The following TNFRSF19 variants were observed in gnomAD, a reference collection of about 807,000 sequenced individuals.
TNFRSF19 encodes the protein tumor necrosis factor receptor superfamily member 19.
Under a neutral mutation model 46.4 loss-of-function variants are expected in TNFRSF19, and 27 were observed. The ratio of observed to expected loss-of-function variants is 0.58; its 90% CI spans 0.43 to 0.80. The LOEUF is 0.80. Among genes scored for constraint, TNFRSF19 ranks in the 30% least tolerant of loss-of-function variants. The pLI, the probability that TNFRSF19 is intolerant of heterozygous loss-of-function variation, is 0.00. For synonymous variants in TNFRSF19, 204 were observed against 205.0 expected, an observed-to-expected ratio of 1.00 and a Z score of 0.04; for missense variants, 511 against 530.8, an observed-to-expected ratio of 0.96 and a Z score of 0.37.
chr13:23,594,194 G>T (rs1245414399), intron 3 of TNFRSF19: 1 of 450,430 alleles, frequency 2.2e-6, no homozygotes. Flanking sequence ...CAGACACTGA[G>T]CTAGCTGCAG....
intron 5 of TNFRSF19, among the ~76,000 whole-genome samples, chr13:23,646,007 C>T (rs1819460807): frequency 6.6e-6 from 1 of 152,182 alleles, no homozygotes; most frequent in Non-Finnish European, 1.5e-5. Flanking sequence ...TTTCCTTGCA[C>T]CTGACTCACA....
rs560086536 is a variant in TNFRSF19 at position 23,589,285 on chromosome 13, G to A, written c.-34-865G>A. Among the ~76,000 whole-genome samples, 9 of 152,272 alleles carry A rather than the reference G, an allele frequency of 5.9e-5. No individual in the cohort carries two copies. In the East Asian group the frequency reaches 1.3e-3, roughly 23 times the overall value. On this transcript the variant is annotated intron_variant, in intron 1 of 9. Transcript: ENST00000248484. ...GGTTCTACATTTTAGATCATTCCTG[G>A]TAAAGATAAAGAGGCTTGGTTTATC...
At chr13:23,616,492 AT>A (rs796306908) in intron 4 of TNFRSF19, among the ~76,000 whole-genome samples, 10 of 152,344 alleles carry the variant, frequency 6.6e-5, no homozygotes, top group African/African-American at 2.4e-4. Flanking sequence ...ATTGCTTTAC[AT>A]ACTTGGGCTA....
chr13:23,595,440 A>G (rs1466909386), intron 3 of TNFRSF19, among the ~76,000 whole-genome samples: 1 of 152,224 alleles, frequency 6.6e-6, no homozygotes, highest in African/African-American at 2.4e-5. Flanking sequence ...TGAAAAACAC[A>G]GCACAAGAAC....
chr13:23,588,575 C>T (rs988594747), intron 1 of TNFRSF19, among the ~76,000 whole-genome samples: 5 of 152,100 alleles, frequency 3.3e-5, no homozygotes, highest in Admixed American at 2.0e-4. Context: ...GCATTATCCC[C>T]GTTTTTTCTT....
intron 5 of TNFRSF19, among the ~76,000 whole-genome samples, chr13:23,635,438 G>A (rs1476663337): frequency 6.6e-6 from 1 of 152,140 alleles, no homozygotes; most frequent in Non-Finnish European, 1.5e-5. Flanking sequence ...GAGTGCAGTG[G>A]TGTGATCTCG....
At chr13:23,584,628 A>T (rs750389411) in intron 1 of TNFRSF19, among the ~76,000 whole-genome samples, 30 of 50,642 alleles carry the variant, frequency 5.9e-4, no homozygotes, top group African/African-American at 2.6e-3. Context: ...AGTTTTATTT[A>T]AAAAAAAAAA....
chr13:23,627,250 C>G (rs1489066293), intron 5 of TNFRSF19, among the ~76,000 whole-genome samples: 1 of 152,184 alleles, frequency 6.6e-6, no homozygotes, highest in Non-Finnish European at 1.5e-5. Flanking sequence ...CTGTGTGTCA[C>G]TAAATGGAAC....
chr13:23,641,718 C>A (rs922670271), intron 5 of TNFRSF19, among the ~76,000 whole-genome samples: 8 of 152,140 alleles, frequency 5.3e-5, no homozygotes, highest in African/African-American at 1.9e-4. Context: ...TATAACATTG[C>A]TTGATGTTAC....
intron 5 of TNFRSF19, among the ~76,000 whole-genome samples, chr13:23,650,892 CCTT>C (rs1481850662): frequency 6.6e-6 from 1 of 152,086 alleles, no homozygotes; most frequent in African/African-American, 2.4e-5. Context: ...AATGACGAAG[CCTT>C]CTTCTTTCAC....
chr13:23,571,639 T>C (rs904128229), intron 1 of TNFRSF19, among the ~76,000 whole-genome samples: 2 of 152,190 alleles, frequency 1.3e-5, no homozygotes, highest in Admixed American at 1.3e-4. Context: ...ATCTGAGTAA[T>C]CAACAGTTAT....
intron 9 of TNFRSF19, chr13:23,669,728 C>T (rs933632061): frequency 8.1e-6 from 8 of 984,728 alleles, no homozygotes; most frequent in South Asian, 4.7e-5. Flanking sequence ...GGGCTTTCTG[C>T]GTGCTGCAAA....
chr13:23,626,187 C>CTGTGTG (rs35509472), intron 4 of TNFRSF19, among the ~76,000 whole-genome samples: 31,947 of 145,288 alleles, frequency 0.22, 3,768 homozygotes, highest in Middle Eastern at 0.3. Flanking sequence ...TCTTTAAAAT[C>CTGTGTG]TGTGTGTGTG....
At chr13:23,649,828 A>G (rs919065295) in intron 5 of TNFRSF19, among the ~76,000 whole-genome samples, 1 of 152,042 alleles carries the variant, frequency 6.6e-6, no homozygotes. Flanking sequence ...TTAAGAGTAT[A>G]TTGTTGCATT....
At chr13:23,596,271 G>T (rs1366973344) in intron 3 of TNFRSF19, among the ~76,000 whole-genome samples, 1 of 152,154 alleles carries the variant, frequency 6.6e-6, no homozygotes, top group Non-Finnish European at 1.5e-5. Context: ...AACCTTAAAT[G>T]TAAATGGGCT....
chr13:23,651,717 G>T (rs1211423414), intron 5 of TNFRSF19, among the ~76,000 whole-genome samples: 2 of 151,970 alleles, frequency 1.3e-5, no homozygotes, highest in South Asian at 2.1e-4. Context: ...GATAAAACAG[G>T]TTGGATTTGT....
intron 4 of TNFRSF19, among the ~76,000 whole-genome samples, chr13:23,624,195 A>C (rs1019454158): frequency 1.3e-5 from 2 of 152,134 alleles, no homozygotes; most frequent in Non-Finnish European, 2.9e-5. Flanking sequence ...GACCATATAC[A>C]TGACGGTTTA....
chr13:23,643,453 G>T (rs548369643), intron 5 of TNFRSF19, among the ~76,000 whole-genome samples: 1 of 152,210 alleles, frequency 6.6e-6, no homozygotes, highest in Non-Finnish European at 1.5e-5. Context: ...CCTTGTAAAA[G>T]AGAGTAATGT....
chr13:23,645,247 G>C (rs1263862604), intron 5 of TNFRSF19, among the ~76,000 whole-genome samples: 1 of 152,140 alleles, frequency 6.6e-6, no homozygotes, highest in Non-Finnish European at 1.5e-5. Context: ...ATGTTGCCCA[G>C]GCTGGAATGC....
Sources: allele counts gnomAD v4.1 joint callset (sites outside exome capture counted in the v4.1 genomes callset), GRCh38; gene constraint gnomAD v4.1.1; transcripts MANE v1.5; gene names NCBI Gene and HGNC (gene_info 2026-07-23, HGNC 2026-07-21).